Variants in ELP4 observed in about 807,000 individuals in gnomAD.
The protein encoded by ELP4 is elongator complex protein 4.
ELP4 carries 51 observed loss-of-function variants against 48.9 expected under a neutral mutation model. The ratio of observed to expected loss-of-function variants is 1.04; its 90% CI spans 0.83 to 1.32. The LOEUF (loss-of-function observed/expected upper bound fraction) is 1.32. Among genes scored for constraint, ELP4 ranks in the 40% most tolerant of loss-of-function variants. ELP4 has a pLI of 0.00. For synonymous variants in ELP4, 210 were observed against 189.2 expected (o/e 1.11, Z -0.90); for missense variants, 519 against 514.6 (o/e 1.01, Z -0.08).
chr11:31,683,369 C>T (rs1027257767), intron 9 of ELP4, among the ~76,000 whole-genome samples: 36 of 152,186 alleles, frequency 2.4e-4, no homozygotes, highest in Admixed American at 3.3e-4. Flanking sequence ...TTTTGTACCA[C>T]TTCAAAGTAT....
At chr11:31,705,971 G>A (rs1416526521) in intron 9 of ELP4, among the ~76,000 whole-genome samples, 1 of 152,016 alleles carries the variant, frequency 6.6e-6, no homozygotes, top group Admixed American at 6.6e-5. Flanking sequence ...TCCTGCCTCA[G>A]CCTCCTGAGT....
intron 9 of ELP4, chr11:31,767,252 A>G (rs1431946145): frequency 6.6e-6 from 1 of 152,146 alleles, no homozygotes; most frequent in Non-Finnish European, 1.5e-5. Context: ...GGATGAAATG[A>G]CGGCAAACTT....
rs115529194 is a variant in ELP4, at chr11:31,720,808, A to G, written c.1144-62585A>G. ...AAAGTTGGAGAGGACACCAGGGCAT[A>G]AGCAGATTCGCACTGCAAGATAAAG... On this transcript the variant is annotated intron_variant, in intron 9 of 9. Coordinates refer to ENST00000640961, the MANE Select transcript of ELP4 (RefSeq NM_019040.5). Among the ~76,000 whole-genome samples, 1,509 of 152,294 alleles carry G rather than the reference A, an allele frequency of 9.9e-3. 24 individuals are homozygous for G. Among genetic ancestry groups the G allele is most frequent in the African/African-American group, 0.033 (1,365 of 41,564 alleles).
At chr11:31,616,368 C>A (rs1376243162) in intron 5 of ELP4, among the ~76,000 whole-genome samples, 15 of 151,092 alleles carry the variant, frequency 9.9e-5, no homozygotes, top group Admixed American at 9.9e-4. Context: ...TATCTACATG[C>A]AAAAAAATAA....
chr11:31,786,063 C>G lies in ELP4; in HGVS notation c.*2539C>G, dbSNP rs1387452085. On this transcript the variant is annotated 3_prime_UTR_variant, in exon 10 of 10. Transcript: ENST00000640961. The stretch of plus-strand genomic sequence containing the variant: ...TTGCTCAGGTGCTCGGGTTCTAAGA[C>G]TTTTTGAATTTCCTTTTAGTAGCCA... 2 of 203,464 alleles carry G rather than the reference C, an allele frequency of 9.8e-6. No homozygotes were observed. Among genetic ancestry groups the G allele is most frequent in the Non-Finnish European group, 2.0e-5 (2 of 99,044 alleles). The allele number at this position is 203,464 out of a possible 1,614,324, so 12.6% of individuals were successfully genotyped here.
chr11:31,612,366 AG>A (rs1957998339), intron 5 of ELP4, among the ~76,000 whole-genome samples: 1 of 152,176 alleles, frequency 6.6e-6, no homozygotes, highest in Non-Finnish European at 1.5e-5. Flanking sequence ...AAACTTAAAA[AG>A]GGTTATTTCA....
intron 2 of ELP4, among the ~76,000 whole-genome samples, chr11:31,521,731 G>A (rs1956217223): frequency 6.6e-6 from 1 of 152,038 alleles, no homozygotes; most frequent in South Asian, 2.1e-4. Context: ...AAAAAGTTTT[G>A]TCTTTAAAAT....
intron 9 of ELP4, among the ~76,000 whole-genome samples, chr11:31,659,984 T>G (rs1387624662): frequency 6.6e-6 from 1 of 152,086 alleles, no homozygotes; most frequent in Non-Finnish European, 1.5e-5. Context: ...AGTGCGAGAC[T>G]CCATCTCAAA....
intron 5 of ELP4, among the ~76,000 whole-genome samples, chr11:31,618,700 A>C (rs1392624454): frequency 2.6e-5 from 4 of 152,134 alleles, no homozygotes; most frequent in African/African-American, 9.6e-5. Context: ...GAGAGGCAGA[A>C]AGTACATTAA....
intron 9 of ELP4, among the ~76,000 whole-genome samples, chr11:31,708,665 A>T (rs537515690): frequency 8.5e-4 from 130 of 152,254 alleles, no homozygotes; most frequent in African/African-American, 3.1e-3. Flanking sequence ...TTAAGAGAAG[A>T]TGCTGGTTTT....
intron 3 of ELP4, among the ~76,000 whole-genome samples, chr11:31,590,084 TCA>T (rs1394535396): frequency 6.6e-5 from 10 of 152,186 alleles, no homozygotes; most frequent in African/African-American, 2.4e-4. Flanking sequence ...TCTTTATGTT[TCA>T]GTTTCCCATT....
intron 3 of ELP4, among the ~76,000 whole-genome samples, chr11:31,541,808 G>A (rs1956594957): frequency 6.6e-6 from 1 of 152,066 alleles, no homozygotes; most frequent in Non-Finnish European, 1.5e-5. Context: ...TTATGTGAAG[G>A]AGTTTGAAGC....
At chr11:31,757,759 A>C (rs1464434629) in intron 9 of ELP4, among the ~76,000 whole-genome samples, 1 of 152,186 alleles carries the variant, frequency 6.6e-6, no homozygotes, top group African/African-American at 2.4e-5. Context: ...ACAACACGCC[A>C]GATGTAACAG....
intron 9 of ELP4, among the ~76,000 whole-genome samples, chr11:31,692,097 C>T (rs968315925): frequency 3.3e-5 from 5 of 152,122 alleles, no homozygotes; most frequent in Non-Finnish European, 5.9e-5. Flanking sequence ...AAACTTCTTA[C>T]TCAGAAGTCC....
At chr11:31,614,042 A>G (rs1958032689) in intron 5 of ELP4, among the ~76,000 whole-genome samples, 3 of 152,156 alleles carry the variant, frequency 2.0e-5, no homozygotes, top group Non-Finnish European at 4.4e-5. Flanking sequence ...TAACAAGGGA[A>G]GGGATTTCAA....
intron 3 of ELP4, among the ~76,000 whole-genome samples, chr11:31,545,810 A>G (rs771418415): frequency 3.7e-4 from 56 of 152,192 alleles, no homozygotes; most frequent in Non-Finnish European, 6.3e-4. Context: ...ACAAGCCAGA[A>G]GAGAGTGGGG....
chr11:31,730,229 C>T (rs1306115427), intron 9 of ELP4, among the ~76,000 whole-genome samples: 1 of 152,102 alleles, frequency 6.6e-6, no homozygotes, highest in African/African-American at 2.4e-5. Flanking sequence ...AATTTATAAA[C>T]AATAGACATT....
Position 31,789,631 on chromosome 11 carries a change from T to C in ELP4, c.*6107T>C, listed in dbSNP as rs1389406375. The C allele has an allele frequency of 1.0e-5, 7 of 693,334 alleles. No individual in the cohort carries two copies. Among genetic ancestry groups the C allele is most frequent in the Admixed American group, 2.1e-5 (1 of 48,518 alleles). The allele number at this position is 693,334 out of a possible 1,614,324, so 42.9% of individuals were successfully genotyped here. A position where few individuals can be genotyped will look rare whatever the true frequency, so the allele number is the denominator to read the frequency against. On this transcript the variant is annotated 3_prime_UTR_variant, in exon 10 of 10. Transcript: ENST00000640961. ...ACACAGATCAAACATCCATCCAGTCTACATTGTTCTTTTTTTCATTATAAC... is the reference window on the plus strand; with the variant it reads ...ACACAGATCAAACATCCATCCAGTCCACATTGTTCTTTTTTTCATTATAAC...
At chr11:31,590,393 C>T (rs984149630) in intron 3 of ELP4, among the ~76,000 whole-genome samples, 1 of 152,214 alleles carries the variant, frequency 6.6e-6, no homozygotes, top group African/African-American at 2.4e-5. Context: ...AGAACCCCTA[C>T]CTCACACAGT....
Sources: allele counts gnomAD v4.1 joint callset (sites outside exome capture counted in the v4.1 genomes callset), GRCh38; gene constraint gnomAD v4.1.1; transcripts MANE v1.5; gene names NCBI Gene and HGNC (gene_info 2026-07-23, HGNC 2026-07-21).